Variants in POGLUT2 observed in about 807,000 individuals in gnomAD.
The protein encoded by POGLUT2 is protein O-glucosyltransferase 2.
Under a neutral mutation model 57.6 loss-of-function variants are expected in POGLUT2, and 47 were observed. That is an observed-to-expected ratio of 0.82 (90% confidence interval 0.65 to 1.04). The LOEUF is 1.04. Ranked by LOEUF, POGLUT2 falls within the 50% of genes least tolerant of loss-of-function variation. The pLI is 0.00. For synonymous variants in POGLUT2, 200 were observed against 218.8 expected (o/e 0.91, Z 0.76); for missense variants, 565 against 614.8 (o/e 0.92, Z 0.86).
rs1878060525 is a variant in POGLUT2 at position 102,788,946 on chromosome 13, C to T, written c.1293+66G>A. Reference sequence around the variant, plus strand: ...TCCTGGATGCTCTCCAGGTACAATACATTTCAAAAGGACCCATGATATTGG... The same window carrying T: ...TCCTGGATGCTCTCCAGGTACAATATATTTCAAAAGGACCCATGATATTGG... On this transcript the variant is annotated intron_variant, in intron 7 of 9. Transcript: ENST00000376004. 14 of 1,339,550 alleles carry T rather than the reference C, an allele frequency of 1.0e-5. No homozygotes were observed. The South Asian group carries it at 1.5e-4, about 15-fold the overall frequency. 83.0% of individuals were successfully genotyped at this position (1,339,550 alleles called of 1,614,324 possible).
At chr13:102,796,264 C>T (rs1185434441) in intron 2 of POGLUT2, among the ~76,000 whole-genome samples, 2 of 144,458 alleles carry the variant, frequency 1.4e-5, no homozygotes, top group African/African-American at 2.6e-5. Flanking sequence ...CATTGCACTC[C>T]AGCCTTGTGA....
At position 102,791,565 on chromosome 13, in the gene POGLUT2, T is replaced by A. The variant is rs556246099; in HGVS notation, c.673-135A>T. On this transcript the variant is annotated intron_variant, in intron 4 of 9. Coordinates refer to ENST00000376004, the MANE Select transcript of POGLUT2 (RefSeq NM_024089.3). Reference sequence around the variant, plus strand: ...TTCAGGTAATAATAATTACCTTGGTTTGAATAGTGGGCAATGTTTCAGAAT... The same window carrying A: ...TTCAGGTAATAATAATTACCTTGGTATGAATAGTGGGCAATGTTTCAGAAT... 7.1e-6 allele frequency: 6 copies of A among 850,662 alleles called. No homozygotes were observed. In the Admixed American group the frequency reaches 8.4e-5, roughly 12 times the overall value. The allele number at this position is 850,662 out of a possible 1,614,324, so 52.7% of individuals were successfully genotyped here. A position where few individuals can be genotyped will look rare whatever the true frequency, so the allele number is the denominator to read the frequency against.
chr13:102,795,356 G>C, intron 2 of POGLUT2, among the ~76,000 whole-genome samples: 1 of 151,754 alleles, frequency 6.6e-6, no homozygotes, highest in East Asian at 1.9e-4. Flanking sequence ...TGAGCTCCAG[G>C]GTTCGGGACC....
In POGLUT2 at chr13:102,784,376, A is replaced by T. The variant is rs1566433814; in HGVS notation, c.*119T>A. On this transcript the variant is annotated 3_prime_UTR_variant, in exon 10 of 10. Transcript: ENST00000376004. ...TGCATAAGTAGAAATGTGTCTTCAT[A>T]CTGCAAACAATCACACAGATTTTAT... 2 of 660,860 alleles carry T rather than the reference A, an allele frequency of 3.0e-6. No homozygotes were observed. The highest frequency in any genetic ancestry group is 2.8e-5 in the East Asian group (1 of 36,130). The allele number at this position is 660,860 out of a possible 1,614,324, so 40.9% of individuals were successfully genotyped here. A position where few individuals can be genotyped will look rare whatever the true frequency, so the allele number is the denominator to read the frequency against.
chr13:102,789,651 G>A (rs189258990), intron 6 of POGLUT2, among the ~76,000 whole-genome samples: 1 of 152,210 alleles, frequency 6.6e-6, no homozygotes, highest in South Asian at 2.1e-4. Context: ...AGGCTGGAGT[G>A]TAGTGGCGTG....
intron 6 of POGLUT2, among the ~76,000 whole-genome samples, chr13:102,789,522 T>C (rs9585995): frequency 0.64 from 96,716 of 152,174 alleles, 33,995 homozygotes; most frequent in Non-Finnish European, 0.79. Flanking sequence ...TTGTGACTTT[T>C]TGTAATTCTC....
At position 102,791,239 on chromosome 13, in the gene POGLUT2, A is replaced by G. The variant is rs1452320882; in HGVS notation, c.845+19T>C. ...GAAAGAAAACCAAGGCTCTGGGCCA[A>G]CCCTGACTTATCTCTCACCGGCCCA... On this transcript the variant is annotated intron_variant, in intron 5 of 9. Transcript: ENST00000376004. The G allele has an allele frequency of 6.2e-7, 1 of 1,602,668 alleles. No individual in the cohort carries two copies. Among genetic ancestry groups the G allele is most frequent in the Non-Finnish European group, 8.5e-7 (1 of 1,174,696 alleles).
chr13:102,786,070 TG>T (rs1877928396), intron 9 of POGLUT2, among the ~76,000 whole-genome samples, 161 bp downstream of exon 9: 1 of 152,238 alleles, frequency 6.6e-6, no homozygotes. Flanking sequence ...TCTTGAGCAC[TG>T]CTATCTTTTA....
At position 102,790,702 on chromosome 13, in the gene POGLUT2, T is replaced by C. The variant is rs7999952; in HGVS notation, c.1083+199A>G. Among the ~76,000 whole-genome samples, 1,101 of 152,256 alleles carry C rather than the reference T, an allele frequency of 7.2e-3. 13 individuals carry two copies. The highest frequency in any genetic ancestry group is 0.025 in the African/African-American group (1,035 of 41,542). The stretch of plus-strand genomic sequence containing the variant: ...AGGCTCCAAACTCCCTTGATGCGCA[T>C]TTAATATCAAGACTGGGCAGTGAGG... On this transcript the variant is annotated intron_variant, in intron 6 of 9. Transcript: ENST00000376004.
rs552194370 is a variant in POGLUT2 at position 102,798,352 on chromosome 13, A to G, written c.182+137T>C. 60 of 698,518 alleles carry G rather than the reference A, an allele frequency of 8.6e-5. No homozygotes were observed. The East Asian group carries it at 8.7e-4, about 10-fold the overall frequency. 43.3% of individuals were successfully genotyped at this position (698,518 alleles called of 1,614,324 possible). A position where few individuals can be genotyped will look rare whatever the true frequency, so the allele number is the denominator to read the frequency against. On this transcript the variant is annotated intron_variant, in intron 1 of 9. Transcript: ENST00000376004. ...ATAATTCGGAACAATTTCTACAGCT[A>G]CAGAGAAAAATGGGTAACCAAATAT...
At position 102,784,423 on chromosome 13, in the gene POGLUT2, T is replaced by TA. The variant is rs370376272; in HGVS notation, c.*71dup. The TA allele has an allele frequency of 6.6e-6, 6 of 914,918 alleles. No homozygotes were observed. Among genetic ancestry groups the TA allele is most frequent in the South Asian group, 1.4e-5 (1 of 70,706 alleles). 56.7% of individuals were successfully genotyped at this position (914,918 alleles called of 1,614,324 possible). A position where few individuals can be genotyped will look rare whatever the true frequency, so the allele number is the denominator to read the frequency against. On this transcript the variant is annotated 3_prime_UTR_variant, in exon 10 of 10. Coordinates refer to ENST00000376004, the MANE Select transcript of POGLUT2 (RefSeq NM_024089.3). ...TTATATTGTCCATGGAATTAATACT[T>TA]AAAAAAATTCTTCTTTTTAGTTAAG...
intron 9 of POGLUT2, 89 bp from the exon 10 acceptor site, chr13:102,784,601 G>C: frequency 4.9e-6 from 4 of 819,224 alleles, no homozygotes; most frequent in Non-Finnish European, 6.2e-6. Context: ...TTCCTGTAAA[G>C]ATGAGAGGGA....
intron 9 of POGLUT2, among the ~76,000 whole-genome samples, chr13:102,785,217 A>T (rs1877892372): frequency 6.6e-6 from 1 of 152,198 alleles, no homozygotes; most frequent in Non-Finnish European, 1.5e-5. Flanking sequence ...ATTCCAAGCT[A>T]CCAAAAATTT....
In POGLUT2 at chr13:102,793,588, T is replaced by C. The variant is rs1304951967; in HGVS notation, c.594+13A>G. 1.2e-6 allele frequency: 2 copies of C among 1,601,680 alleles called. No individual in the cohort carries two copies. Among genetic ancestry groups the C allele is most frequent in the Non-Finnish European group, 1.7e-6 (2 of 1,170,068 alleles). ...ATCACTAAAACAAACAAGCAAAAAA[T>C]CATGTGTTGTACCTTGTTATCCTTT... On this transcript the variant is annotated intron_variant, in intron 3 of 9. Coordinates refer to ENST00000376004, the MANE Select transcript of POGLUT2 (RefSeq NM_024089.3).
Position 102,796,917 on chromosome 13 carries a change from C to T in POGLUT2, c.275G>A (p.Arg92Gln), listed in dbSNP as rs147671819. 1.3e-5 allele frequency: 21 copies of T among 1,611,846 alleles called. No individual in the cohort carries two copies. Among genetic ancestry groups the T allele is most frequent in the Middle Eastern group, 1.6e-4 (1 of 6,076 alleles). ...FTRVGVQVLD[R>Q]KDGSFIVRYR... ...TCTTACTATGAAGGACCCATCTTTT[C>T]GGTCTAAAACCTGGACTCCAACTCT... The change falls in exon 2 of 10, where the codon CGA becomes CAA. Residue 92 changes from arginine (R) to glutamine (Q), a missense_variant. Coordinates refer to ENST00000376004, the MANE Select transcript of POGLUT2 (RefSeq NM_024089.3).
In POGLUT2 at chr13:102,793,608, T is replaced by TC; in HGVS notation, c.586dup (p.Asp196GlyfsTer2). ...AAAAATCATGTGTTGTACCTTGTTA[T>TC]CCTTTAAGGTGTAGTGACATAGGCT... On this transcript the variant is annotated frameshift_variant, in exon 3 of 10. Coordinates refer to ENST00000376004, the MANE Select transcript of POGLUT2 (RefSeq NM_024089.3). LOFTEE classifies it high-confidence loss of function. 6.2e-7 allele frequency: 1 copy of TC among 1,612,680 alleles called. No homozygotes were observed. Among genetic ancestry groups the TC allele is most frequent in the Non-Finnish European group, 8.5e-7 (1 of 1,178,804 alleles).
In POGLUT2 at chr13:102,795,506, T is replaced by C. The variant is rs141208650; in HGVS notation, c.388+1298A>G. ...TGAACCCAGGAGGTCGAGGCTGCAG[T>C]AAGCAGTGATTGCACCACTGCACTC... On this transcript the variant is annotated intron_variant, in intron 2 of 9. Transcript: ENST00000376004. Among the ~76,000 whole-genome samples the C allele has an allele frequency of 5.3e-3, 806 of 152,248 alleles. 13 individuals carry two copies. The highest frequency in any genetic ancestry group is 0.018 in the African/African-American group (765 of 41,542).
In POGLUT2 at chr13:102,784,323, GTACTT is replaced by G; in HGVS notation, c.*167_*171del. ...GGTTTTATTATAAAATTCTAAAAATGTACTTTAAAGTACAGTCATGAGAATACTGC... is the reference window on the plus strand; with the variant it reads ...GGTTTTATTATAAAATTCTAAAAATGTAAAGTACAGTCATGAGAATACTGC... On this transcript the variant is annotated 3_prime_UTR_variant, in exon 10 of 10. Coordinates refer to ENST00000376004, the MANE Select transcript of POGLUT2 (RefSeq NM_024089.3). 3 of 503,644 alleles carry G rather than the reference GTACTT, an allele frequency of 6.0e-6. No individual in the cohort carries two copies. The highest frequency in any genetic ancestry group is 1.1e-3 in the Middle Eastern group (2 of 1,828). The allele number at this position is 503,644 out of a possible 1,614,324, so 31.2% of individuals were successfully genotyped here.
At chr13:102,793,276 A>G in intron 4 of POGLUT2, 65 bp downstream of exon 4, 3 of 900,014 alleles carry the variant, frequency 3.3e-6, no homozygotes, top group Non-Finnish European at 5.5e-6. Flanking sequence ...TTGTATTTTG[A>G]AAAATTATCC....
Sources: gnomAD v4.1 joint callset for allele counts (sites outside exome capture counted in the v4.1 genomes callset) on GRCh38, gnomAD v4.1.1 for gene constraint, MANE v1.5 for transcripts, NCBI Gene and HGNC (gene_info 2026-07-23, HGNC 2026-07-21) for gene names.